KIF13B: variants seen among roughly 807,000 people sequenced by gnomAD.
KIF13B encodes kinesin family member 13B.
In KIF13B, 127 loss-of-function variants were observed where a neutral mutation model predicts 222.0. That is an observed-to-expected ratio of 0.57 (90% CI 0.50 to 0.66). KIF13B has a LOEUF of 0.66. KIF13B is among the 30% of genes least tolerant of loss of function. The pLI is 0.00. For synonymous variants in KIF13B, 976 were observed against 919.0 expected, an observed-to-expected ratio of 1.06 and a Z score of -1.12; for missense variants, 2,173 against 2,379.0, an observed-to-expected ratio of 0.91 and a Z score of 1.80.
At chr8:29,196,038 G>A (rs1813404429) in intron 3 of KIF13B, 149 bp downstream of exon 3, 4 of 710,578 alleles carry the variant, frequency 5.6e-6, no homozygotes, top group African/African-American at 5.5e-5. Context: ...GCCAATAAAT[G>A]GCTTCAGATT....
In KIF13B at chr8:29,130,679, G is replaced by A. The variant is rs771743717; in HGVS notation, c.2943-14C>T. ...ACTTCACTCCATCTAGGAAATAAGC[G>A]AAGTTCTTGGAAAATCATACATTTC... On this transcript the variant is annotated splice_polypyrimidine_tract_variant and intron_variant, in intron 23 of 39. Coordinates refer to ENST00000524189, the MANE Select transcript of KIF13B (RefSeq NM_015254.4). 1.7e-5 allele frequency: 27 copies of A among 1,613,006 alleles called. No homozygotes were observed. The highest frequency in any genetic ancestry group is 8.8e-5 in the South Asian group (8 of 91,070).
chr8:29,216,571 C>A (rs555889702), intron 2 of KIF13B, among the ~76,000 whole-genome samples: 1 of 151,978 alleles, frequency 6.6e-6, no homozygotes, highest in Non-Finnish European at 1.5e-5. Flanking sequence ...TGTACTCCAA[C>A]CTGGGTGACA....
At chr8:29,252,371 G>T (rs118116665) in intron 1 of KIF13B, among the ~76,000 whole-genome samples, 1 of 152,312 alleles carries the variant, frequency 6.6e-6, no homozygotes, top group South Asian at 2.1e-4. Context: ...TCCATCTGGG[G>T]AAATGCATCA....
intron 35 of KIF13B, among the ~76,000 whole-genome samples, chr8:29,107,869 TTTTC>T (rs1369904456): frequency 6.6e-6 from 1 of 152,198 alleles, no homozygotes; most frequent in East Asian, 1.9e-4. Context: ...CTGAAGTTTC[TTTTC>T]TGACAGAAAT....
At position 29,072,071 on chromosome 8, in the gene KIF13B, C is replaced by T. The variant is rs1479852416; in HGVS notation, c.4767G>A (p.Ala1589=). Residue 1589 remains alanine (A), a synonymous_variant, in exon 39 of 40, where the codon GCG becomes GCA. Coordinates refer to ENST00000524189, the MANE Select transcript of KIF13B (RefSeq NM_015254.4). The part of the protein sequence containing the change: ...SDALGPGLDA[A]APPGSMPTAP... The stretch of plus-strand genomic sequence containing the variant: ...CGGTGGGCATGGACCCCGGCGGGGC[C>T]GCAGCGTCCAGGCCGGGGCCCAGGG... The T allele has an allele frequency of 9.1e-6, 12 of 1,316,044 alleles. No homozygotes were observed. Among genetic ancestry groups the T allele is most frequent in the Non-Finnish European group, 1.1e-5 (11 of 1,031,432 alleles). 81.5% of individuals were successfully genotyped at this position (1,316,044 alleles called of 1,614,324 possible).
intron 1 of KIF13B, among the ~76,000 whole-genome samples, chr8:29,262,030 CAA>C (rs1278079260): frequency 6.6e-6 from 1 of 152,200 alleles, no homozygotes; most frequent in East Asian, 1.9e-4. Flanking sequence ...TCATCAATGG[CAA>C]AGTCATCTCC....
chr8:29,079,642 G>T (rs894809313), intron 37 of KIF13B, among the ~76,000 whole-genome samples: 1 of 152,034 alleles, frequency 6.6e-6, no homozygotes, highest in Non-Finnish European at 1.5e-5. Flanking sequence ...GGTCCCAGTT[G>T]AAACAAAAAA....
Position 29,228,472 on chromosome 8 carries a change from A to AAAATATATATATATATATATAT in KIF13B, c.149+16873_149+16874insATATATATATATATATATATTT. Among the ~76,000 whole-genome samples the AAAATATATATATATATATATAT allele has an allele frequency of 3.0e-4, 35 of 117,080 alleles. 2 individuals carry two copies. The highest frequency in any genetic ancestry group is 5.7e-4 in the South Asian group (2 of 3,490). The allele number at this position is 117,080 out of a possible 152,430, so 76.8% of individuals were successfully genotyped here. A position where few individuals can be genotyped will look rare whatever the true frequency, so the allele number is the denominator to read the frequency against. ...ACAGAGCCAGACTCCATCTTAAAAAAATATATATATATATATATGAGATAC... is the reference window on the plus strand; with the variant it reads ...ACAGAGCCAGACTCCATCTTAAAAAAAAATATATATATATATATATATATATATATATATATATATGAGATAC... On this transcript the variant is annotated intron_variant, in intron 2 of 39. Transcript: ENST00000524189.
intron 21 of KIF13B, among the ~76,000 whole-genome samples, chr8:29,137,365 T>G (rs1810611787): frequency 6.6e-6 from 1 of 152,206 alleles, no homozygotes; most frequent in African/African-American, 2.4e-5. Flanking sequence ...ACACAAAAAC[T>G]ATAACCACCA....
At chr8:29,167,078 T>C (rs1170878278) in intron 11 of KIF13B, among the ~76,000 whole-genome samples, 1 of 152,196 alleles carries the variant, frequency 6.6e-6, no homozygotes, top group East Asian at 1.9e-4. Context: ...AGCATCTCTC[T>C]TCCTCTCCTA....
chr8:29,078,089 C>T (rs1586745724), intron 37 of KIF13B, among the ~76,000 whole-genome samples: 1 of 123,456 alleles, frequency 8.1e-6, no homozygotes, highest in Non-Finnish European at 1.6e-5. Context: ...TTGGGACCAG[C>T]CTGGCCAACA....
intron 21 of KIF13B, among the ~76,000 whole-genome samples, chr8:29,135,210 A>T (rs1382058534): frequency 6.6e-6 from 1 of 151,830 alleles, no homozygotes; most frequent in Non-Finnish European, 1.5e-5. Context: ...TGCCCAGCTA[A>T]TTTTTTTTAT....
intron 33 of KIF13B, 138 bp downstream of exon 33, chr8:29,109,780 C>T: frequency 1.2e-6 from 1 of 867,362 alleles, no homozygotes; most frequent in Non-Finnish European, 1.7e-6. Flanking sequence ...CAATTACAAT[C>T]ACTCTGGATT....
intron 2 of KIF13B, among the ~76,000 whole-genome samples, chr8:29,230,030 TAGC>T (rs1177023594): frequency 6.6e-6 from 1 of 152,170 alleles, no homozygotes; most frequent in African/African-American, 2.4e-5. Flanking sequence ...CAAGGCAAAA[TAGC>T]AGCTACCACC....
intron 14 of KIF13B, among the ~76,000 whole-genome samples, chr8:29,154,666 C>G (rs1586851816): frequency 1.3e-5 from 2 of 152,126 alleles, no homozygotes; most frequent in African/African-American, 4.8e-5. Flanking sequence ...GGCACAGTGA[C>G]CATGTTTTCA....
chr8:29,249,515 T>C (rs374076641), intron 1 of KIF13B, among the ~76,000 whole-genome samples: 1 of 151,774 alleles, frequency 6.6e-6, no homozygotes, highest in Non-Finnish European at 1.5e-5. Context: ...CTAAAGAACC[T>C]TGGCCAAATG....
At position 29,118,856 on chromosome 8, in the gene KIF13B, G is replaced by A. The variant is rs190554734; in HGVS notation, c.3660+12C>T. ...CTTTTCATCTGACCATCCCAAGTTA[G>A]GCTTTCCTTACCTCCCCATCATGCT... On this transcript the variant is annotated intron_variant, in intron 30 of 39. Coordinates refer to ENST00000524189, the MANE Select transcript of KIF13B (RefSeq NM_015254.4). The A allele has an allele frequency of 1.9e-6, 3 of 1,613,080 alleles. No homozygotes were observed. The Admixed American group carries it at 5.0e-5, about 27-fold the overall frequency.
chr8:29,117,567 C>G (rs1488289820), intron 30 of KIF13B, among the ~76,000 whole-genome samples: 1 of 152,144 alleles, frequency 6.6e-6, no homozygotes, highest in Non-Finnish European at 1.5e-5. Context: ...CCTTCCTTGT[C>G]ACGCTTGACC....
At position 29,195,493 on chromosome 8, in the gene KIF13B, CAAT is replaced by C. The variant is rs924393891; in HGVS notation, c.162+691_162+693del. Among the ~76,000 whole-genome samples the C allele has an allele frequency of 5.3e-5, 8 of 152,180 alleles. 1 individual carries two copies. The highest frequency in any genetic ancestry group is 4.6e-4 in the Admixed American group (7 of 15,294). ...GCCATGTCTATAATACACATTTTAGCAATAATAATAGCGAACTGAATTACAATT... is the reference window on the plus strand; with the variant it reads ...GCCATGTCTATAATACACATTTTAGCAATAATAGCGAACTGAATTACAATT... On this transcript the variant is annotated intron_variant, in intron 3 of 39. Transcript: ENST00000524189.
Sources: allele counts gnomAD v4.1 joint callset (sites outside exome capture counted in the v4.1 genomes callset), GRCh38; gene constraint gnomAD v4.1.1; transcripts MANE v1.5; gene names NCBI Gene and HGNC (gene_info 2026-07-23, HGNC 2026-07-21).